KATNBL1: variants seen among roughly 807,000 people sequenced by gnomAD.
The protein encoded by KATNBL1 is katanin regulatory subunit B1 like 1.
A neutral mutation model predicts 44.7 loss-of-function variants in KATNBL1; 28 were observed. The observed-to-expected ratio is 0.63, with a 90% confidence interval of 0.46 to 0.86. The LOEUF is 0.86. Ranked by LOEUF, KATNBL1 falls within the 40% of genes least tolerant of loss-of-function variation. KATNBL1 has a pLI of 0.00. For missense variants in KATNBL1, 272 were observed against 350.7 expected (o/e 0.78, Z 1.79); for synonymous variants, 78 against 114.9 (o/e 0.68, Z 2.06).
At chr15:34,195,575 C>T (rs1038595761) in intron 1 of KATNBL1, among the ~76,000 whole-genome samples, 2 of 151,814 alleles carry the variant, frequency 1.3e-5, no homozygotes, top group African/African-American at 4.8e-5. Flanking sequence ...CCTATAATCC[C>T]AGATACTCAG....
intron 1 of KATNBL1, among the ~76,000 whole-genome samples, chr15:34,205,062 C>T (rs1412950746): frequency 2.0e-5 from 3 of 148,962 alleles, no homozygotes; most frequent in Non-Finnish European, 4.4e-5. Flanking sequence ...GGTGCAATAT[C>T]GGCTCACTGC....
chr15:34,164,234 T>A (rs781522043), intron 1 of KATNBL1, among the ~76,000 whole-genome samples: 7 of 152,214 alleles, frequency 4.6e-5, no homozygotes, highest in Admixed American at 4.6e-4. Flanking sequence ...AATAATATTG[T>A]ATGTATTTTT....
intron 9 of KATNBL1, chr15:34,145,192 A>T: frequency 7.3e-7 from 1 of 1,366,926 alleles, no homozygotes. Context: ...GCTGTACATG[A>T]AACATGTTCA....
intron 2 of KATNBL1, among the ~76,000 whole-genome samples, chr15:34,157,006 C>T (rs1378168795): frequency 6.6e-6 from 1 of 152,206 alleles, no homozygotes; most frequent in East Asian, 1.9e-4. Flanking sequence ...CCGTCAAACT[C>T]TTCCCAAGCT....
chr15:34,183,148 G>C (rs946803784), intron 1 of KATNBL1, among the ~76,000 whole-genome samples: 1 of 152,174 alleles, frequency 6.6e-6, no homozygotes, highest in African/African-American at 2.4e-5. Context: ...AAAGTATCTG[G>C]AATTTTCGTT....
chr15:34,201,503 T>C (rs933267109), intron 1 of KATNBL1, among the ~76,000 whole-genome samples: 1 of 152,188 alleles, frequency 6.6e-6, no homozygotes, highest in African/African-American at 2.4e-5. Flanking sequence ...CAAGTATGTT[T>C]TAACTTAATT....
At chr15:34,194,546 C>A (rs1889980477) in intron 1 of KATNBL1, among the ~76,000 whole-genome samples, 1 of 152,174 alleles carries the variant, frequency 6.6e-6, no homozygotes, top group Non-Finnish European at 1.5e-5. Context: ...CAGCTTGAGC[C>A]TGGGAGGTGG....
At chr15:34,192,277 G>A (rs1339877372) in intron 1 of KATNBL1, among the ~76,000 whole-genome samples, 1 of 151,916 alleles carries the variant, frequency 6.6e-6, no homozygotes, top group Admixed American at 6.6e-5. Context: ...GGTGGCACGT[G>A]CCTGTAATCC....
chr15:34,188,230 T>C (rs912791514), intron 1 of KATNBL1, among the ~76,000 whole-genome samples: 3 of 147,284 alleles, frequency 2.0e-5, no homozygotes, highest in Admixed American at 7.0e-5. Context: ...CCTCAAATTC[T>C]GTACACTCTA....
At chr15:34,200,426 T>TG (rs1890150592) in intron 1 of KATNBL1, among the ~76,000 whole-genome samples, 1 of 151,062 alleles carries the variant, frequency 6.6e-6, no homozygotes, top group South Asian at 2.1e-4. Context: ...CTAATTGTTT[T>TG]TTTTTTTTGT....
At chr15:34,184,576 C>CTTTTCTTTTTTTTTTTTT (rs760395860) in intron 1 of KATNBL1, among the ~76,000 whole-genome samples, 5 of 95,260 alleles carry the variant, frequency 5.2e-5, no homozygotes, top group South Asian at 3.6e-4. Context: ...CCTAATGTTT[C>CTTTTCTTTTTTTTTTTTT]TTTTTTTTTT....
At chr15:34,178,217 C>T (rs891468496) in intron 1 of KATNBL1, among the ~76,000 whole-genome samples, 5 of 152,144 alleles carry the variant, frequency 3.3e-5, no homozygotes, top group African/African-American at 9.7e-5. Flanking sequence ...GAATAACCAA[C>T]TTTAAACAGC....
chr15:34,168,605 G>T (rs892500064), intron 1 of KATNBL1, among the ~76,000 whole-genome samples: 1 of 152,180 alleles, frequency 6.6e-6, no homozygotes, highest in Admixed American at 6.5e-5. Context: ...GACATCTACA[G>T]AACTCTTCAC....
chr15:34,184,858 C>T (rs936851906), intron 1 of KATNBL1, among the ~76,000 whole-genome samples: 5 of 151,988 alleles, frequency 3.3e-5, no homozygotes, highest in African/African-American at 1.2e-4. Flanking sequence ...CAGGCATGAG[C>T]CACTGTGACT....
intron 2 of KATNBL1, among the ~76,000 whole-genome samples, chr15:34,159,586 T>C (rs746943984): frequency 3.3e-5 from 5 of 152,156 alleles, no homozygotes; most frequent in Non-Finnish European, 7.4e-5. Flanking sequence ...TCTCTTTACA[T>C]TTCCCTAGGG....
intron 1 of KATNBL1, among the ~76,000 whole-genome samples, chr15:34,198,773 G>C (rs1023610113): frequency 6.6e-6 from 1 of 152,150 alleles, no homozygotes; most frequent in Non-Finnish European, 1.5e-5. Context: ...TCAAGAACTG[G>C]GAAGAGGGAC....
intron 2 of KATNBL1, among the ~76,000 whole-genome samples, chr15:34,161,636 T>C (rs969663383): frequency 5.9e-5 from 9 of 152,174 alleles, no homozygotes; most frequent in African/African-American, 1.9e-4. Context: ...TGTTCCCCTA[T>C]TGGCTAGGGT....
chr15:34,207,942 T>TA, intron 1 of KATNBL1, among the ~76,000 whole-genome samples: 1 of 152,316 alleles, frequency 6.6e-6, no homozygotes, highest in African/African-American at 2.4e-5. Context: ...CTGCAATTGT[T>TA]AGTTTTTCGC....
chr15:34,189,479 T>A (rs960766709), intron 1 of KATNBL1, among the ~76,000 whole-genome samples: 3 of 152,216 alleles, frequency 2.0e-5, no homozygotes, highest in African/African-American at 7.2e-5. Flanking sequence ...CAAAAAAGTT[T>A]GAGGCAAAAA....
Sources: gnomAD v4.1 joint callset for allele counts (sites outside exome capture counted in the v4.1 genomes callset) on GRCh38, gnomAD v4.1.1 for gene constraint, MANE v1.5 for transcripts, NCBI Gene and HGNC (gene_info 2026-07-23, HGNC 2026-07-21) for gene names.